The following EXOC4 variants were observed in gnomAD, a reference collection of about 807,000 sequenced individuals.
EXOC4 encodes SEC8-like 1.
In EXOC4, 71 loss-of-function variants were observed where a neutral mutation model predicts 107.2. The observed-to-expected ratio is 0.66, with a 90% CI of 0.55 to 0.81. The LOEUF (loss-of-function observed/expected upper bound fraction) is 0.81. Among genes scored for constraint, EXOC4 ranks in the 30% least tolerant of loss-of-function variants. The pLI is 0.00. For synonymous variants in EXOC4, 456 were observed against 441.2 expected (o/e 1.03, Z -0.42); for missense variants, 1,108 against 1,189.6 (o/e 0.93, Z 1.01).
At chr7:133,376,504 G>A (rs997466728) in intron 7 of EXOC4, among the ~76,000 whole-genome samples, 2 of 152,130 alleles carry the variant, frequency 1.3e-5, no homozygotes, top group South Asian at 2.1e-4. Context: ...AGCAACTTAG[G>A]TAGTCAGCAC....
intron 2 of EXOC4, among the ~76,000 whole-genome samples, chr7:133,283,666 C>T (rs185883439): frequency 6.6e-6 from 1 of 152,110 alleles, no homozygotes; most frequent in African/African-American, 2.4e-5. Context: ...GCCATATTTT[C>T]AGAGTGCAGT....
At chr7:133,532,382 T>G (rs1319363847) in intron 9 of EXOC4, among the ~76,000 whole-genome samples, 3 of 152,072 alleles carry the variant, frequency 2.0e-5, no homozygotes, top group Non-Finnish European at 2.9e-5. Context: ...AAACTCCTCT[T>G]AGGAAATGAG....
At chr7:133,258,823 C>A (rs1264968928) in intron 1 of EXOC4, among the ~76,000 whole-genome samples, 5 of 151,990 alleles carry the variant, frequency 3.3e-5, no homozygotes, top group Non-Finnish European at 7.4e-5. Flanking sequence ...TGAGAGTCAG[C>A]TGAAGAAGCT....
At chr7:133,401,844 G>A (rs775573940) in intron 7 of EXOC4, among the ~76,000 whole-genome samples, 1 of 151,784 alleles carries the variant, frequency 6.6e-6, no homozygotes, top group Non-Finnish European at 1.5e-5. Context: ...TATTTTAATA[G>A]ATGTGCTATT....
At chr7:133,566,279 G>A (rs758630467) in intron 9 of EXOC4, among the ~76,000 whole-genome samples, 2 of 152,260 alleles carry the variant, frequency 1.3e-5, no homozygotes, top group Admixed American at 6.5e-5. Context: ...TAAGTCAGAA[G>A]CCAGTAATTA....
chr7:133,917,711 A>C lies in EXOC4; in HGVS notation c.2000A>C (p.Lys667Thr). 6.2e-7 allele frequency: 1 copy of C among 1,614,108 alleles called. No homozygotes were observed. The highest frequency in any genetic ancestry group is 8.5e-7 in the Non-Finnish European group (1 of 1,179,994). The change falls in exon 13 of 18, where the codon AAA becomes ACA. Residue 667 changes from lysine (K) to threonine (T), a missense_variant. Transcript: ENST00000253861. ...NMAQPKQLRPKREEEEDFIRA... is the reference protein window; with the variant it reads ...NMAQPKQLRPTREEEEDFIRA... ...GCTCAACCCAAACAGCTGAGGCCAAAAAGAGAGGAGGAAGAAGATTTCATA... is the reference window on the plus strand; with the variant it reads ...GCTCAACCCAAACAGCTGAGGCCAACAAGAGAGGAGGAAGAAGATTTCATA...
chr7:134,002,996 G>A (rs1257525767), intron 15 of EXOC4, among the ~76,000 whole-genome samples: 1 of 152,118 alleles, frequency 6.6e-6, no homozygotes, highest in Non-Finnish European at 1.5e-5. Flanking sequence ...AGAAATAAAT[G>A]CAAAGTTATA....
At chr7:133,455,869 A>G (rs961993872) in intron 7 of EXOC4, among the ~76,000 whole-genome samples, 1 of 152,144 alleles carries the variant, frequency 6.6e-6, no homozygotes, top group African/African-American at 2.4e-5. Flanking sequence ...AAGCAGTGCA[A>G]CTCTTGCCAT....
intron 11 of EXOC4, among the ~76,000 whole-genome samples, chr7:133,840,766 C>T (rs2151248634): frequency 6.6e-6 from 1 of 152,232 alleles, no homozygotes; most frequent in Admixed American, 6.5e-5. Context: ...CAGGCGTGAG[C>T]CACTACGCCT....
rs139978800 is a variant in EXOC4, at chr7:133,944,748, T to G, written c.2206+6679T>G. 2.6e-3 allele frequency among the ~76,000 whole-genome samples: 390 copies of G among 152,238 alleles called. 3 individuals carry two copies. Among genetic ancestry groups the G allele is most frequent in the African/African-American group, 8.9e-3 (371 of 41,538 alleles). ...AAACAATTATGCAGTTGATAATGGATTATAATCTTGTGGGTCTGAAAGACT... is the reference window on the plus strand; with the variant it reads ...AAACAATTATGCAGTTGATAATGGAGTATAATCTTGTGGGTCTGAAAGACT... On this transcript the variant is annotated intron_variant, in intron 14 of 17. Coordinates refer to ENST00000253861, the MANE Select transcript of EXOC4 (RefSeq NM_021807.4).
At chr7:133,405,947 T>C (rs1797207298) in intron 7 of EXOC4, among the ~76,000 whole-genome samples, 1 of 152,190 alleles carries the variant, frequency 6.6e-6, no homozygotes, top group Non-Finnish European at 1.5e-5. Context: ...TTTGAGTGCC[T>C]ACTGTGAGCC....
At chr7:133,393,031 ACT>A (rs2150719274) in intron 7 of EXOC4, among the ~76,000 whole-genome samples, 1 of 151,696 alleles carries the variant, frequency 6.6e-6, no homozygotes, top group East Asian at 1.9e-4. Flanking sequence ...TCTAAATATG[ACT>A]CTGTCCTTTC....
chr7:133,647,804 A>C (rs908212853), intron 10 of EXOC4, among the ~76,000 whole-genome samples: 4 of 152,122 alleles, frequency 2.6e-5, no homozygotes, highest in Admixed American at 2.6e-4. Flanking sequence ...ATTATCAAAC[A>C]GCCTAATTAG....
chr7:133,549,556 G>A (rs973726586), intron 9 of EXOC4, among the ~76,000 whole-genome samples: 1 of 151,906 alleles, frequency 6.6e-6, no homozygotes, highest in Non-Finnish European at 1.5e-5. Flanking sequence ...AGATCACCAG[G>A]ATAGATATAA....
intron 10 of EXOC4, among the ~76,000 whole-genome samples, chr7:133,720,453 C>T (rs1585101353): frequency 6.6e-6 from 1 of 152,118 alleles, no homozygotes; most frequent in East Asian, 1.9e-4. Context: ...ACCTCTTTAC[C>T]CAAGGAAACC....
chr7:133,349,877 C>G (rs1795869960), intron 5 of EXOC4, among the ~76,000 whole-genome samples: 2 of 151,768 alleles, frequency 1.3e-5, no homozygotes, highest in Admixed American at 1.3e-4. Context: ...TAGTAGCCAT[C>G]CCAATGAGTG....
chr7:133,645,760 C>T (rs1802974927), intron 10 of EXOC4, among the ~76,000 whole-genome samples: 1 of 152,096 alleles, frequency 6.6e-6, no homozygotes. Context: ...AGATTTTCAT[C>T]CAATGTTTCT....
chr7:134,026,898 G>A (rs1795149696), intron 17 of EXOC4, among the ~76,000 whole-genome samples: 1 of 152,142 alleles, frequency 6.6e-6, no homozygotes, highest in Non-Finnish European at 1.5e-5. Flanking sequence ...ATTTTAGGAT[G>A]TTTCTGATCC....
chr7:133,723,461 T>A (rs1377805452), intron 10 of EXOC4, among the ~76,000 whole-genome samples: 1 of 149,024 alleles, frequency 6.7e-6, no homozygotes, highest in Non-Finnish European at 1.5e-5. Context: ...TTGTACTTGA[T>A]GGGAGAACAT....
Sources: allele counts gnomAD v4.1 joint callset (sites outside exome capture counted in the v4.1 genomes callset), GRCh38; gene constraint gnomAD v4.1.1; transcripts MANE v1.5; gene names NCBI Gene and HGNC (gene_info 2026-07-23, HGNC 2026-07-21).